The following DHX15 variants were observed in gnomAD, a reference collection of about 807,000 sequenced individuals.
DHX15 encodes the protein ATP-dependent RNA helicase DHX15.
In DHX15, 11 loss-of-function variants were observed where a neutral mutation model predicts 94.4. That is an observed-to-expected ratio of 0.12 (90% CI 0.07 to 0.19). DHX15 has a LOEUF of 0.19. Ranked by LOEUF, DHX15 falls within the 10% of genes least tolerant of loss-of-function variation. The pLI, the probability that DHX15 is intolerant of heterozygous loss-of-function variation, is 1.00. For missense variants in DHX15, 304 were observed against 988.5 expected (o/e 0.31, Z 9.29); for synonymous variants, 338 against 329.9 (o/e 1.02, Z -0.27).
intron 5 of DHX15, among the ~76,000 whole-genome samples, chr4:24,550,664 TCTC>T (rs954783212): frequency 1.3e-4 from 20 of 152,282 alleles, no homozygotes; most frequent in African/African-American, 4.6e-4. Context: ...GGAGCTGTCA[TCTC>T]CTGTGATAAC....
chr4:24,563,519 G>T (rs1419498573), intron 3 of DHX15: 1 of 152,068 alleles, frequency 6.6e-6, no homozygotes, highest in African/African-American at 2.4e-5. Flanking sequence ...CTTTTTTTGG[G>T]TATAAACAGA....
At chr4:24,529,952 C>A in intron 12 of DHX15, 182 bp from the exon 13 acceptor site, 1 of 624,250 alleles carries the variant, frequency 1.6e-6, no homozygotes, top group Non-Finnish European at 2.8e-6. Flanking sequence ...AAATCCAACT[C>A]ATAGCCTCTA....
At chr4:24,538,764 G>C (rs1454349944) in intron 10 of DHX15, 1 of 152,008 alleles carries the variant, frequency 6.6e-6, no homozygotes, top group East Asian at 1.9e-4. Context: ...ATAAAACTGA[G>C]ATGTAGTTGG....
In DHX15 at chr4:24,548,140, C is replaced by CTT. The variant is rs71196189; in HGVS notation, c.1248+713_1248+714dup. ...TACTTATGCAGTGTGATCAGTGCTA[C>CTT]TTTTTTTTTTTTTTTTTTTTTTGAG... On this transcript the variant is annotated intron_variant, in intron 6 of 13. Coordinates refer to ENST00000336812, the MANE Select transcript of DHX15 (RefSeq NM_001358.3). Among the ~76,000 whole-genome samples, 677 of 108,120 alleles carry CTT rather than the reference C, an allele frequency of 6.3e-3. 12 individuals carry two copies. Among genetic ancestry groups the CTT allele is most frequent in the African/African-American group, 0.013 (359 of 27,780 alleles). 70.9% of individuals were successfully genotyped at this position (108,120 alleles called of 152,430 possible). A position where few individuals can be genotyped will look rare whatever the true frequency, so the allele number is the denominator to read the frequency against.
At chr4:24,564,421 T>C (rs1721951196) in intron 3 of DHX15, among the ~76,000 whole-genome samples, 1 of 152,194 alleles carries the variant, frequency 6.6e-6, no homozygotes, top group South Asian at 2.1e-4. Flanking sequence ...CCAGCTCATC[T>C]ACCTATAGTA....
intron 5 of DHX15, among the ~76,000 whole-genome samples, chr4:24,551,973 C>T (rs552605219): frequency 1.6e-4 from 24 of 152,292 alleles, no homozygotes; most frequent in Non-Finnish European, 3.2e-4. Flanking sequence ...AAAATGATGA[C>T]TATGTAGGAT....
intron 5 of DHX15, 109 bp downstream of exon 5, chr4:24,554,616 G>T: frequency 2.4e-6 from 2 of 818,902 alleles, no homozygotes; most frequent in Non-Finnish European, 3.9e-6. Context: ...CAATCAGGTT[G>T]AAGAACATTG....
intron 6 of DHX15, among the ~76,000 whole-genome samples, chr4:24,547,903 G>GTATATATATATATATATATATATATA (rs869194543): frequency 1.4e-5 from 1 of 70,754 alleles, no homozygotes; most frequent in African/African-American, 6.0e-5. Context: ...GTATGTATGT[G>GTATATATATATATATATATATATATA]TATATATATA....
intron 4 of DHX15, 103 bp from the exon 5 acceptor site, chr4:24,555,046 G>C (rs1721697971): frequency 5.2e-6 from 4 of 774,360 alleles, no homozygotes; most frequent in South Asian, 4.7e-5. Context: ...CTATAAAAAT[G>C]CCCATGAAAA....
chr4:24,578,479 A>G (rs1722330600), intron 1 of DHX15, among the ~76,000 whole-genome samples: 1 of 152,218 alleles, frequency 6.6e-6, no homozygotes, highest in South Asian at 2.1e-4. Flanking sequence ...CTTAAAGAAC[A>G]TCTGGTCTGA....
chr4:24,561,993 T>A (rs1240071106), intron 3 of DHX15, among the ~76,000 whole-genome samples: 1 of 151,974 alleles, frequency 6.6e-6, no homozygotes, highest in East Asian at 1.9e-4. Flanking sequence ...TCACCAGGCG[T>A]GGTGGCGTGC....
chr4:24,558,353 T>C (rs572629393), intron 3 of DHX15, among the ~76,000 whole-genome samples: 2 of 152,282 alleles, frequency 1.3e-5, no homozygotes, highest in Non-Finnish European at 2.9e-5. Context: ...AGTTGAAAAC[T>C]TCTTAAAACT....
chr4:24,577,363 C>T (rs907654543), intron 1 of DHX15, among the ~76,000 whole-genome samples: 1 of 152,138 alleles, frequency 6.6e-6, no homozygotes, highest in Non-Finnish European at 1.5e-5. Flanking sequence ...TACTTTCCAG[C>T]ACTTTCCCAA....
intron 3 of DHX15, chr4:24,563,084 T>C (rs1021764058): frequency 6.6e-6 from 1 of 151,782 alleles, no homozygotes; most frequent in Admixed American, 6.6e-5. Context: ...TGTCCAGGTA[T>C]AATTTTTCTA....
rs1721233246 is a variant in DHX15 at position 24,538,194 on chromosome 4, C to T, written c.1787-1021G>A. On this transcript the variant is annotated intron_variant, in intron 10 of 13. Coordinates refer to ENST00000336812, the MANE Select transcript of DHX15 (RefSeq NM_001358.3). ...GGACTTTTTCAACACATTTTAAAAG[C>T]TCTTAAAACCTTGTCAATGAAAAAA... 5.3e-5 allele frequency: 8 copies of T among 152,190 alleles called. No individual in the cohort carries two copies. The South Asian group carries it at 1.7e-3, about 32-fold the overall frequency. The allele number at this position is 152,190 out of a possible 1,614,324, so 9.4% of individuals were successfully genotyped here. A position where few individuals can be genotyped will look rare whatever the true frequency, so the allele number is the denominator to read the frequency against.
chr4:24,563,906 T>C (rs1721938113), intron 3 of DHX15, among the ~76,000 whole-genome samples: 1 of 151,416 alleles, frequency 6.6e-6, no homozygotes, highest in Non-Finnish European at 1.5e-5. Flanking sequence ...CTACTAAAAA[T>C]ACAAAAAAAA....
intron 3 of DHX15, among the ~76,000 whole-genome samples, chr4:24,562,972 A>G (rs1202088598): frequency 6.6e-6 from 1 of 152,168 alleles, no homozygotes; most frequent in Non-Finnish European, 1.5e-5. Flanking sequence ...TTTAAATTCC[A>G]GCTTTAGAAT....
intron 3 of DHX15, among the ~76,000 whole-genome samples, chr4:24,562,080 G>C (rs1012894798): frequency 7.1e-6 from 1 of 140,494 alleles, no homozygotes; most frequent in Non-Finnish European, 1.5e-5. Flanking sequence ...AGGCTGCAGC[G>C]AGCTGAGATT....
chr4:24,581,034 TA>T (rs1372084763), intron 1 of DHX15: 3 of 145,968 alleles, frequency 2.1e-5, no homozygotes, highest in Admixed American at 6.7e-5. Context: ...TATTTTTTAT[TA>T]TTTTTTTTTT....
Sources: gnomAD v4.1 joint callset for allele counts (sites outside exome capture counted in the v4.1 genomes callset) on GRCh38, gnomAD v4.1.1 for gene constraint, MANE v1.5 for transcripts, NCBI Gene and HGNC (gene_info 2026-07-23, HGNC 2026-07-21) for gene names.